Variants in SLIT2 observed in about 807,000 individuals in gnomAD.
SLIT2 encodes slit homolog 2 protein.
A neutral mutation model predicts 185.7 loss-of-function variants in SLIT2; 41 were observed. The observed-to-expected ratio is 0.22, with a 90% confidence interval of 0.17 to 0.29. The LOEUF is 0.29. Among genes scored for constraint, SLIT2 ranks in the 10% least tolerant of loss-of-function variants. The pLI, the probability that SLIT2 is intolerant of heterozygous loss-of-function variation, is 1.00. For synonymous variants in SLIT2, 693 were observed against 680.2 expected (o/e 1.02, Z -0.29); for missense variants, 1,571 against 1,909.0 (o/e 0.82, Z 3.30).
At chr4:20,491,164 A>G (rs1717748962) in intron 8 of SLIT2, among the ~76,000 whole-genome samples, 1 of 152,210 alleles carries the variant, frequency 6.6e-6, no homozygotes, top group African/African-American at 2.4e-5. Flanking sequence ...TTTTTTATTA[A>G]CAATAAGATG....
At chr4:20,321,729 G>A (rs749933668) in intron 4 of SLIT2, among the ~76,000 whole-genome samples, 2 of 152,104 alleles carry the variant, frequency 1.3e-5, no homozygotes, top group African/African-American at 4.8e-5. Flanking sequence ...AGACCTTACC[G>A]CCTCATGCCC....
chr4:20,408,638 T>G (rs1426639807), intron 4 of SLIT2, among the ~76,000 whole-genome samples: 1 of 152,142 alleles, frequency 6.6e-6, no homozygotes, highest in Admixed American at 6.5e-5. Context: ...ATAAGTTACT[T>G]TGGGATCAAG....
In SLIT2 at chr4:20,274,957, G is replaced by A. The variant is rs185883010; in HGVS notation, c.395+6076G>A. ...GTTGCTAACGTCTGACCTATACTGC[G>A]TGAATTAATGCCTAGAGAGTTCATT... On this transcript the variant is annotated intron_variant, in intron 4 of 36. Coordinates refer to ENST00000504154, the MANE Select transcript of SLIT2 (RefSeq NM_004787.4). Among the ~76,000 whole-genome samples the A allele has an allele frequency of 3.6e-3, 542 of 152,168 alleles. 3 individuals are homozygous for A. The highest frequency in any genetic ancestry group is 0.013 in the African/African-American group (522 of 41,528).
intron 4 of SLIT2, among the ~76,000 whole-genome samples, chr4:20,467,049 A>G (rs1226431731): frequency 2.0e-5 from 3 of 152,200 alleles, no homozygotes; most frequent in African/African-American, 7.2e-5. Context: ...AGCGATTTTT[A>G]CAAACTGCTG....
chr4:20,349,828 G>C (rs1454402880), intron 4 of SLIT2, among the ~76,000 whole-genome samples: 1 of 152,070 alleles, frequency 6.6e-6, no homozygotes, highest in Non-Finnish European at 1.5e-5. Flanking sequence ...GGATTCCTTT[G>C]GTATCATGGC....
chr4:20,528,987 T>C lies in SLIT2; in HGVS notation c.1501T>C (p.Phe501Leu). The change falls in exon 16 of 37, where the codon TTT becomes CTT. Residue 501 changes from phenylalanine to leucine, a missense_variant. Physicochemically the swap from Phe to Leu is conservative, Grantham distance 22 (BLOSUM62 0). Transcript: ENST00000504154. The surrounding 1 kb of genome is among the most constrained non-coding windows in gnomAD (Gnocchi z 4.2). ...TCGATCAAAATTAAGTGGAGACTGC[T>C]TTGCGGATCTGGCTTGCCCTGAAAA... is the stretch of plus-strand genomic sequence containing the variant. Reference protein sequence around the residue: ...DYRSKLSGDCFADLACPEKCR... With the variant: ...DYRSKLSGDCLADLACPEKCR... 6.2e-7 allele frequency: 1 copy of C among 1,614,042 alleles called. No homozygotes were observed. Among genetic ancestry groups the C allele is most frequent in the East Asian group, 2.2e-5 (1 of 44,870 alleles).
chr4:20,310,596 G>A (rs1331896686), intron 4 of SLIT2, among the ~76,000 whole-genome samples: 5 of 152,180 alleles, frequency 3.3e-5, no homozygotes, highest in South Asian at 4.2e-4. Context: ...TATTACATTG[G>A]TACTAAATGG....
chr4:20,599,439 G>A (rs1190470299), intron 33 of SLIT2, among the ~76,000 whole-genome samples: 1 of 151,948 alleles, frequency 6.6e-6, no homozygotes, highest in African/African-American at 2.4e-5. Context: ...TGATTAAAGA[G>A]GTCAAGTGCA....
In SLIT2 at chr4:20,331,729, C is replaced by G. The variant is rs144868302; in HGVS notation, c.395+62848C>G. Among the ~76,000 whole-genome samples, 11 of 152,174 alleles carry G rather than the reference C, an allele frequency of 7.2e-5. No homozygotes were observed. The East Asian group carries it at 2.1e-3, about 29-fold the overall frequency. On this transcript the variant is annotated intron_variant, in intron 4 of 36. Transcript: ENST00000504154. ...GAGTTGTGTAACCATCACCCCATCT[C>G]ACTTTTGAATATTTGCATTATCTAA...
intron 36 of SLIT2, 94 bp from the exon 37 acceptor site, chr4:20,618,674 C>A (rs560326578): frequency 7.6e-7 from 1 of 1,324,116 alleles, no homozygotes; most frequent in Non-Finnish European, 1.0e-6. Context: ...AAAGGGGAAG[C>A]AAAGGCTTCT....
At chr4:20,338,602 C>G (rs764310419) in intron 4 of SLIT2, among the ~76,000 whole-genome samples, 3 of 152,146 alleles carry the variant, frequency 2.0e-5, no homozygotes, top group Non-Finnish European at 4.4e-5. Context: ...AACAGTGAAG[C>G]TTATTTTGGG....
At chr4:20,306,693 C>G (rs943224695) in intron 4 of SLIT2, among the ~76,000 whole-genome samples, 3 of 152,056 alleles carry the variant, frequency 2.0e-5, no homozygotes, top group African/African-American at 7.2e-5. Flanking sequence ...ATGGAGAAAT[C>G]TTGCCTCTGT....
Position 20,549,158 on chromosome 4 carries a change from C to A in SLIT2, c.2489+30C>A, listed in dbSNP as rs1475057166. On this transcript the variant is annotated intron_variant, in intron 24 of 36. Coordinates refer to ENST00000504154, the MANE Select transcript of SLIT2 (RefSeq NM_004787.4). ...GCATCTTGTGTTCAACAGAATATCT[C>A]TTTTCTCAGAGATCTGAGTTTGGGG... The A allele has an allele frequency of 2.1e-5, 28 of 1,359,482 alleles. No homozygotes were observed. In the Admixed American group the frequency reaches 3.6e-4, roughly 18 times the overall value. 84.2% of individuals were successfully genotyped at this position (1,359,482 alleles called of 1,614,324 possible). A position where few individuals can be genotyped will look rare whatever the true frequency, so the allele number is the denominator to read the frequency against.
chr4:20,312,788 A>AG (rs1560307541), intron 4 of SLIT2, among the ~76,000 whole-genome samples: 1 of 148,592 alleles, frequency 6.7e-6, no homozygotes. Flanking sequence ...AAAAAAAAAA[A>AG]AAAAAGAAAG....
chr4:20,336,030 A>G (rs2109215486), intron 4 of SLIT2, among the ~76,000 whole-genome samples: 1 of 152,240 alleles, frequency 6.6e-6, no homozygotes, highest in Admixed American at 6.5e-5. Context: ...TTTCATGACA[A>G]AAACCTACCA....
At chr4:20,542,295 G>C (rs1290050140) in intron 20 of SLIT2, among the ~76,000 whole-genome samples, 199 bp from the exon 21 acceptor site, 1 of 152,110 alleles carries the variant, frequency 6.6e-6, no homozygotes, top group East Asian at 1.9e-4. Context: ...CCATTTTCCA[G>C]AATTCTTCCC....
chr4:20,329,798 G>T (rs2109195181), intron 4 of SLIT2, among the ~76,000 whole-genome samples: 1 of 152,066 alleles, frequency 6.6e-6, no homozygotes, highest in South Asian at 2.1e-4. Flanking sequence ...ATAATTTGCT[G>T]AGGAATAATA....
Position 20,363,239 on chromosome 4 carries a change from C to T in SLIT2, c.395+94358C>T, listed in dbSNP as rs59842412. ...TATGTCCTTTTCTTAATTTGAAACA[C>T]GTGTGTGATACATAACATGTACAGC... On this transcript the variant is annotated intron_variant, in intron 4 of 36. Coordinates refer to ENST00000504154, the MANE Select transcript of SLIT2 (RefSeq NM_004787.4). Among the ~76,000 whole-genome samples the T allele has an allele frequency of 5.7e-3, 861 of 152,098 alleles. 7 individuals carry two copies. The highest frequency in any genetic ancestry group is 0.02 in the African/African-American group (815 of 41,498).
intron 9 of SLIT2, among the ~76,000 whole-genome samples, chr4:20,499,036 C>T (rs1216374937): frequency 6.6e-6 from 1 of 152,148 alleles, no homozygotes; most frequent in African/African-American, 2.4e-5. Context: ...GCATTCCTAC[C>T]AACAGTGTAT....
Sources: gnomAD v4.1 joint callset for allele counts (sites outside exome capture counted in the v4.1 genomes callset) on GRCh38, gnomAD v4.1.1 for gene constraint, Gnocchi (gnomAD v3.1) non-coding constraint, MANE v1.5 for transcripts, NCBI Gene and HGNC (gene_info 2026-07-23, HGNC 2026-07-21) for gene names.